The following ARHGAP8 variants were observed in gnomAD, a reference collection of about 807,000 sequenced individuals.
ARHGAP8 encodes rho GTPase-activating protein 8.
Under a neutral mutation model 46.1 loss-of-function variants are expected in ARHGAP8, and 62 were observed. The ratio of observed to expected loss-of-function variants is 1.34; its 90% CI spans 1.10 to 1.66. ARHGAP8 has a LOEUF of 1.66. ARHGAP8 is among the 40% of genes most tolerant of loss of function. The pLI, the probability that ARHGAP8 is intolerant of heterozygous loss-of-function variation, is 0.00. For synonymous variants in ARHGAP8, 375 were observed against 243.1 expected (o/e 1.54, Z -5.05); for missense variants, 923 against 568.4 (o/e 1.62, Z -6.34).
chr22:44,813,696 TATGTAGGTACACCTACACAC>T (rs1001545509), intron 4 of ARHGAP8, among the ~76,000 whole-genome samples: 32 of 150,598 alleles, frequency 2.1e-4, no homozygotes, highest in Admixed American at 8.6e-4. Flanking sequence ...TACCTACACA[TATGTAGGTACACCTACACAC>T]ACTTTCATAC....
intron 1 of ARHGAP8, among the ~76,000 whole-genome samples, chr22:44,775,453 CTTT>C (rs132478): frequency 2.0e-5 from 3 of 149,468 alleles, no homozygotes; most frequent in Non-Finnish European, 3.0e-5. Context: ...AATTCTTTCT[CTTT>C]TTTTTTTTGA....
chr22:44,812,236 A>G (rs1163476122), intron 4 of ARHGAP8, among the ~76,000 whole-genome samples: 2 of 151,908 alleles, frequency 1.3e-5, no homozygotes, highest in Non-Finnish European at 2.9e-5. Context: ...AATGGAAGCC[A>G]CTGGAAGCTC....
intron 1 of ARHGAP8, among the ~76,000 whole-genome samples, chr22:44,782,966 C>T (rs1038747097): frequency 1.3e-5 from 2 of 152,280 alleles, no homozygotes; most frequent in African/African-American, 4.8e-5. Flanking sequence ...GGGGTGTCCA[C>T]GTGGCTAACG....
intron 1 of ARHGAP8, among the ~76,000 whole-genome samples, chr22:44,753,764 A>G (rs1388025747): frequency 6.6e-6 from 1 of 152,086 alleles, no homozygotes; most frequent in Non-Finnish European, 1.5e-5. Context: ...CGGGATGGGG[A>G]CAGCACCTTG....
chr22:44,769,203 C>T (rs1264043281), intron 1 of ARHGAP8, among the ~76,000 whole-genome samples: 2 of 152,166 alleles, frequency 1.3e-5, no homozygotes, highest in East Asian at 3.9e-4. Context: ...TCCTGTTCTC[C>T]ATCATCTTTC....
intron 2 of ARHGAP8, among the ~76,000 whole-genome samples, chr22:44,799,179 A>G (rs1161585887): frequency 6.6e-6 from 1 of 152,220 alleles, no homozygotes; most frequent in Non-Finnish European, 1.5e-5. Flanking sequence ...ACCTTGGCCA[A>G]GGAACCTTTT....
At chr22:44,832,581 C>G (rs951818625) in intron 7 of ARHGAP8, among the ~76,000 whole-genome samples, 1 of 152,068 alleles carries the variant, frequency 6.6e-6, no homozygotes, top group South Asian at 2.1e-4. Context: ...TCTAGAAATA[C>G]ATTTTTTAAA....
Position 44,858,549 on chromosome 22 carries a change from TTTA to T in ARHGAP8, c.878-1181_878-1179del, listed in dbSNP as rs1169968781. ...CATACCCGGCTTTTTTTTTTTTTTT[TTTA>T]AGTAACAGGGTTTCACCATGTTGGG... On this transcript the variant is annotated intron_variant, in intron 10 of 11. Transcript: ENST00000356099. Among the ~76,000 whole-genome samples, 620 of 122,208 alleles carry T rather than the reference TTTA, an allele frequency of 5.1e-3. 20 individuals carry two copies. The highest frequency in any genetic ancestry group is 0.018 in the African/African-American group (557 of 31,326). 80.2% of individuals were successfully genotyped at this position (122,208 alleles called of 152,430 possible). A position where few individuals can be genotyped will look rare whatever the true frequency, so the allele number is the denominator to read the frequency against.
intron 2 of ARHGAP8, among the ~76,000 whole-genome samples, chr22:44,787,045 A>AAAAAAAAAAC (rs1927306556): frequency 6.7e-6 from 1 of 149,588 alleles, no homozygotes; most frequent in African/African-American, 2.5e-5. Context: ...AACAAAAAAA[A>AAAAAAAAAAC]AAAAAAGAAA....
At chr22:44,861,140 T>G (rs1277031472) in intron 11 of ARHGAP8, among the ~76,000 whole-genome samples, 3 of 151,956 alleles carry the variant, frequency 2.0e-5, no homozygotes, top group Non-Finnish European at 4.4e-5. Flanking sequence ...CCCGGCTAAT[T>G]TTTGTTTTTT....
At chr22:44,861,947 C>T (rs185129046) in intron 11 of ARHGAP8, among the ~76,000 whole-genome samples, 83 of 152,290 alleles carry the variant, frequency 5.5e-4, no homozygotes, top group East Asian at 2.1e-3. Context: ...TCACCAAGTT[C>T]GTACCGTCTG....
In ARHGAP8 at chr22:44,830,362, C is replaced by T. The variant is rs146699426; in HGVS notation, c.596+4769C>T. On this transcript the variant is annotated intron_variant, in intron 7 of 11. Coordinates refer to ENST00000356099, the MANE Select transcript of ARHGAP8 (RefSeq NM_181335.3). ...ATTTTTATTTTTTTAGACAGAATCTCGCTCCATCACCTAGGCTGGAGTGCA... is the reference window on the plus strand; with the variant it reads ...ATTTTTATTTTTTTAGACAGAATCTTGCTCCATCACCTAGGCTGGAGTGCA... Among the ~76,000 whole-genome samples the T allele has an allele frequency of 4.5e-3, 682 of 151,752 alleles. 5 individuals carry two copies. The highest frequency in any genetic ancestry group is 0.014 in the African/African-American group (581 of 41,400).
intron 2 of ARHGAP8, among the ~76,000 whole-genome samples, chr22:44,801,533 G>A (rs2147079752): frequency 6.6e-6 from 1 of 151,994 alleles, no homozygotes; most frequent in South Asian, 2.1e-4. Context: ...ATGTGTGAGG[G>A]GCACAGATGT....
intron 2 of ARHGAP8, among the ~76,000 whole-genome samples, chr22:44,789,732 C>A (rs1011049088): frequency 6.6e-6 from 1 of 152,100 alleles, no homozygotes; most frequent in African/African-American, 2.4e-5. Context: ...AACTCCTGGG[C>A]TGAAGCAATC....
At chr22:44,814,615 C>A (rs956153158) in intron 4 of ARHGAP8, 57 bp from the exon 5 acceptor site, 2 of 1,496,060 alleles carry the variant, frequency 1.3e-6, no homozygotes, top group Non-Finnish European at 1.8e-6. Context: ...GGTTATTGGG[C>A]GTGGGGTGTT....
intron 10 of ARHGAP8, 161 bp downstream of exon 10, chr22:44,849,221 C>A: frequency 7.4e-7 from 1 of 1,359,398 alleles, no homozygotes; most frequent in Non-Finnish European, 9.9e-7. Flanking sequence ...GTTGTTGGGG[C>A]TGCCCCCACC....
chr22:44,782,421 G>C (rs2072254181), intron 1 of ARHGAP8, among the ~76,000 whole-genome samples: 2 of 152,168 alleles, frequency 1.3e-5, no homozygotes, highest in African/African-American at 2.4e-5. Context: ...ACAGTGCTGT[G>C]TACCCACCGC....
chr22:44,846,501 C>G (rs1467338383), intron 8 of ARHGAP8, among the ~76,000 whole-genome samples: 1 of 152,212 alleles, frequency 6.6e-6, no homozygotes, highest in Non-Finnish European at 1.5e-5. Flanking sequence ...CCAGACCCTG[C>G]GGCCCCAGCA....
Position 44,808,365 on chromosome 22 carries a change from C to G in ARHGAP8, c.226C>G (p.His76Asp). The change falls in exon 4 of 12, where the codon CAC (histidine) becomes GAC (aspartate). Residue 76 changes from histidine (H) to aspartate (D), a missense_variant. Physicochemically the swap from His to Asp is moderately conservative, Grantham distance 81. Transcript: ENST00000356099. Reference sequence around the variant, plus strand: ...GAACGATTATACCATCGTCTATTTCCACTACGGGCTGAACAGCCGGAACAA... The same window carrying G: ...GAACGATTATACCATCGTCTATTTCGACTACGGGCTGAACAGCCGGAACAA... ...VENDYTIVYF[H>D]YGLNSRNKPS... The G allele has an allele frequency of 6.2e-7, 1 of 1,614,238 alleles. No individual in the cohort carries two copies. The highest frequency in any genetic ancestry group is 8.5e-7 in the Non-Finnish European group (1 of 1,180,044).
Sources: allele counts gnomAD v4.1 joint callset (sites outside exome capture counted in the v4.1 genomes callset), GRCh38; gene constraint gnomAD v4.1.1; transcripts MANE v1.5; gene names NCBI Gene and HGNC (gene_info 2026-07-23, HGNC 2026-07-21).